The following NNT variants were observed in gnomAD, a reference collection of about 807,000 sequenced individuals.
The protein encoded by NNT is NAD(P) transhydrogenase, mitochondrial.
In NNT, 50 loss-of-function variants were observed where a neutral mutation model predicts 104.8. The observed-to-expected ratio is 0.48, with a 90% CI of 0.38 to 0.60. The LOEUF is 0.60. NNT is among the 20% of genes least tolerant of loss of function. The pLI is 0.00. For missense variants in NNT, 1,131 were observed against 1,330.7 expected, an observed-to-expected ratio of 0.85 and a Z score of 2.33; for synonymous variants, 461 against 490.4, an observed-to-expected ratio of 0.94 and a Z score of 0.79.
intron 13 of NNT, 88 bp downstream of exon 13, chr5:43,651,972 A>T: frequency 7.3e-7 from 1 of 1,374,858 alleles, no homozygotes; most frequent in South Asian, 1.3e-5. Flanking sequence ...AATTCAAAGT[A>T]TCGAGCAAAT....
rs1743015132 is a variant in NNT at position 43,704,458 on chromosome 5, A to G, written c.*54A>G. On this transcript the variant is annotated 3_prime_UTR_variant, in exon 22 of 22. Coordinates refer to ENST00000344920, the MANE Select transcript of NNT (RefSeq NM_182977.3). ...ATGCCACCTCTGCAGTTTTGGGAAC[A>G]GGCAAATAAAGTATCAGTATACATG... 9 of 1,571,554 alleles carry G rather than the reference A, an allele frequency of 5.7e-6. No homozygotes were observed. The highest frequency in any genetic ancestry group is 1.4e-5 in the African/African-American group (1 of 74,008).
intron 19 of NNT, among the ~76,000 whole-genome samples, chr5:43,691,070 AGTGTGTGTGTGTGT>A (rs56075202): frequency 1.7e-4 from 24 of 137,504 alleles, no homozygotes; most frequent in Admixed American, 3.6e-4. Context: ...TTTTTGAGAG[AGTGTGTGTGTGTGT>A]GTGTGTGTGT....
chr5:43,694,680 G>A (rs897152739), intron 19 of NNT, among the ~76,000 whole-genome samples: 19 of 151,590 alleles, frequency 1.3e-4, no homozygotes, highest in African/African-American at 4.6e-4. Context: ...GATTTGGTTT[G>A]CAGGTATTTT....
At chr5:43,660,101 C>G (rs1045407644) in intron 17 of NNT, among the ~76,000 whole-genome samples, 2 of 152,124 alleles carry the variant, frequency 1.3e-5, no homozygotes, top group Non-Finnish European at 2.9e-5. Context: ...TTAATTTGCC[C>G]TTAATGCTAT....
chr5:43,669,866 C>T (rs1186675524), intron 17 of NNT, among the ~76,000 whole-genome samples: 2 of 152,164 alleles, frequency 1.3e-5, no homozygotes, highest in Non-Finnish European at 2.9e-5. Context: ...GTACCAGCTC[C>T]TTCTTGTACC....
At chr5:43,685,320 A>T (rs1741926452) in intron 19 of NNT, among the ~76,000 whole-genome samples, 1 of 152,200 alleles carries the variant, frequency 6.6e-6, no homozygotes, top group Admixed American at 6.5e-5. Context: ...GGAAGGCAGA[A>T]TTCCAAAATG....
At chr5:43,620,408 G>A (rs958831554) in intron 5 of NNT, among the ~76,000 whole-genome samples, 1 of 151,902 alleles carries the variant, frequency 6.6e-6, no homozygotes, top group Non-Finnish European at 1.5e-5. Flanking sequence ...TTTTAGTAGA[G>A]ACGGGGTTTC....
At chr5:43,630,318 T>C (rs538286315) in intron 7 of NNT, among the ~76,000 whole-genome samples, 2 of 152,202 alleles carry the variant, frequency 1.3e-5, no homozygotes, top group Non-Finnish European at 2.9e-5. Context: ...GTTAAGATAC[T>C]ACCTTCTCCT....
At chr5:43,674,278 A>C (rs1741289253) in intron 17 of NNT, among the ~76,000 whole-genome samples, 1 of 152,128 alleles carries the variant, frequency 6.6e-6, no homozygotes, top group Non-Finnish European at 1.5e-5. Flanking sequence ...CTTCTTGCTT[A>C]TCTTCTGTGT....
intron 7 of NNT, among the ~76,000 whole-genome samples, chr5:43,630,206 C>T (rs1354576677): frequency 2.0e-5 from 3 of 152,168 alleles, no homozygotes; most frequent in Non-Finnish European, 4.4e-5. Flanking sequence ...TGCCAATTAT[C>T]CCAGCACCAT....
intron 5 of NNT, among the ~76,000 whole-genome samples, chr5:43,620,466 C>T (rs1422055496): frequency 6.6e-5 from 10 of 151,818 alleles, no homozygotes; most frequent in South Asian, 2.1e-4. Context: ...GTGATCCGCC[C>T]GCCTTGGCCT....
chr5:43,669,585 A>C (rs1561307757), intron 17 of NNT, among the ~76,000 whole-genome samples: 1 of 152,108 alleles, frequency 6.6e-6, no homozygotes. Flanking sequence ...GATTACGTTT[A>C]TTGATTTGTG....
intron 19 of NNT, among the ~76,000 whole-genome samples, chr5:43,683,149 C>G (rs115099086): frequency 0.014 from 2,146 of 152,244 alleles, 43 homozygotes; most frequent in African/African-American, 0.044. Flanking sequence ...AACATGGTGG[C>G]AGGATAGTGG....
intron 19 of NNT, among the ~76,000 whole-genome samples, chr5:43,695,048 T>C (rs1244728494): frequency 6.6e-6 from 1 of 152,184 alleles, no homozygotes; most frequent in East Asian, 1.9e-4. Flanking sequence ...TGTCCAGGAA[T>C]GTGTTCAATT....
chr5:43,690,654 A>G (rs1267700592), intron 19 of NNT, among the ~76,000 whole-genome samples: 5 of 152,316 alleles, frequency 3.3e-5, no homozygotes, highest in East Asian at 3.9e-4. Context: ...TGCTCTTACT[A>G]GTGGTTAAGA....
intron 1 of NNT, among the ~76,000 whole-genome samples, chr5:43,605,460 G>A (rs1749161496): frequency 7.2e-6 from 1 of 139,826 alleles, no homozygotes; most frequent in African/African-American, 2.7e-5. Context: ...AGCTTGCAGT[G>A]AGCCGAGATT....
At chr5:43,673,264 C>T (rs1476487447) in intron 17 of NNT, among the ~76,000 whole-genome samples, 1 of 152,222 alleles carries the variant, frequency 6.6e-6, no homozygotes, top group Non-Finnish European at 1.5e-5. Flanking sequence ...TGCTTTGGCT[C>T]ACGCTTGGTG....
At chr5:43,655,364 C>T (rs1045084057) in intron 14 of NNT, among the ~76,000 whole-genome samples, 7 of 152,024 alleles carry the variant, frequency 4.6e-5, no homozygotes, top group African/African-American at 7.2e-5. Context: ...ATCTTTAATC[C>T]GAAAATCCAA....
At chr5:43,694,580 G>A (rs945106984) in intron 19 of NNT, among the ~76,000 whole-genome samples, 2 of 152,122 alleles carry the variant, frequency 1.3e-5, no homozygotes, top group African/African-American at 2.4e-5. Context: ...GATGAATCAC[G>A]TTTATTGATT....
Sources: gnomAD v4.1 joint callset for allele counts (sites outside exome capture counted in the v4.1 genomes callset) on GRCh38, gnomAD v4.1.1 for gene constraint, MANE v1.5 for transcripts, NCBI Gene and HGNC (gene_info 2026-07-23, HGNC 2026-07-21) for gene names.